GSE1: variants seen among roughly 807,000 people sequenced by gnomAD.
The protein encoded by GSE1 is genetic suppressor element 1.
A neutral mutation model predicts 112.6 loss-of-function variants in GSE1; 32 were observed. The observed-to-expected ratio is 0.28, with a 90% CI of 0.21 to 0.38. GSE1 has a LOEUF of 0.38. GSE1 is among the 10% of genes least tolerant of loss of function. GSE1 has a pLI of 1.00. For missense variants in GSE1, 2,348 were observed against 1,699.2 expected (o/e 1.38, Z -6.71); for synonymous variants, 1,115 against 735.6 (o/e 1.52, Z -8.35).
At chr16:85,564,880 C>T (rs1180438446) in intron 1 of GSE1, among the ~76,000 whole-genome samples, 4 of 152,122 alleles carry the variant, frequency 2.6e-5, no homozygotes, top group East Asian at 1.9e-4. Context: ...GACAGCCAGG[C>T]GTGCGGGAGT....
chr16:85,361,745 G>T (rs563477105), intron 2 of GSE1, among the ~76,000 whole-genome samples: 3 of 152,234 alleles, frequency 2.0e-5, no homozygotes, highest in Non-Finnish European at 4.4e-5. Context: ...CCTGGGCAGA[G>T]TCCCCCAGGG....
intron 3 of GSE1, among the ~76,000 whole-genome samples, chr16:85,651,956 G>C (rs918938691): frequency 6.6e-6 from 1 of 152,338 alleles, no homozygotes; most frequent in African/African-American, 2.4e-5. Flanking sequence ...GTCCTTCCTC[G>C]TGCTCCGTTC....
intron 2 of GSE1, among the ~76,000 whole-genome samples, chr16:85,489,541 A>ACC (rs2050944859): frequency 6.7e-6 from 1 of 148,964 alleles, no homozygotes; most frequent in Non-Finnish European, 1.5e-5. Context: ...GCCAGTGCCC[A>ACC]CCCCGCAGCG....
intron 1 of GSE1, among the ~76,000 whole-genome samples, chr16:85,212,307 G>A (rs766588163): frequency 4.6e-5 from 7 of 152,188 alleles, no homozygotes; most frequent in Non-Finnish European, 1.0e-4. Flanking sequence ...TTGGGAAGCT[G>A]AGGCAGGAGA....
intron 1 of GSE1, among the ~76,000 whole-genome samples, chr16:85,261,591 C>T (rs4496128): frequency 3.3e-5 from 5 of 152,188 alleles, no homozygotes; most frequent in Non-Finnish European, 4.4e-5. Context: ...AGGGCTGCCC[C>T]GTGTGGTAGA....
intron 1 of GSE1, among the ~76,000 whole-genome samples, chr16:85,272,895 G>A (rs1217505544): frequency 1.3e-5 from 2 of 151,454 alleles, no homozygotes; most frequent in Non-Finnish European, 2.9e-5. Flanking sequence ...TCCTGCCACA[G>A]CCTCCCGAGT....
intron 1 of GSE1, among the ~76,000 whole-genome samples, chr16:85,587,771 C>T (rs991385734): frequency 6.6e-6 from 1 of 152,130 alleles, no homozygotes; most frequent in Non-Finnish European, 1.5e-5. Context: ...TAAAATGTTA[C>T]AGGACTTTCC....
Position 85,474,436 on chromosome 16 carries a change from C to T in GSE1, c.2464+116793C>T, listed in dbSNP as rs114544231. Among the ~76,000 whole-genome samples, 1,444 of 152,172 alleles carry T rather than the reference C, an allele frequency of 9.5e-3. 17 individuals are homozygous for T. The highest frequency in any genetic ancestry group is 0.033 in the African/African-American group (1,373 of 41,528). On this transcript the variant is annotated intron_variant, in intron 2 of 2. Coordinates refer to the GSE1 transcript ENST00000637419. ...ACGGAGGGAGGCGGGTGGGGGACCT[C>T]GGGCAGTGGGGATGCCAGAGGGGCC... is the stretch of plus-strand genomic sequence containing the variant.
chr16:85,449,597 CG>C (rs1413129450), intron 2 of GSE1, among the ~76,000 whole-genome samples: 4 of 152,246 alleles, frequency 2.6e-5, no homozygotes, highest in African/African-American at 7.2e-5. Context: ...CCCTCTCTTC[CG>C]GAATGGACGC....
At position 85,481,513 on chromosome 16, in the gene GSE1, G is replaced by A. The variant is rs532597697; in HGVS notation, c.2464+123870G>A. ...GAATTGAAGTTAGTTCTTTGTGGATGGCTCCTCTTCCTTCCAGGTGGGGAG... is the reference window on the plus strand; with the variant it reads ...GAATTGAAGTTAGTTCTTTGTGGATAGCTCCTCTTCCTTCCAGGTGGGGAG... On this transcript the variant is annotated intron_variant, in intron 2 of 2. Transcript: ENST00000637419. 6.6e-5 allele frequency among the ~76,000 whole-genome samples: 10 copies of A among 152,318 alleles called. No homozygotes were observed. The East Asian group carries it at 1.9e-3, about 29-fold the overall frequency.
At chr16:85,355,464 C>G (rs1319011124) in intron 1 of GSE1, among the ~76,000 whole-genome samples, 1 of 152,188 alleles carries the variant, frequency 6.6e-6, no homozygotes, top group Non-Finnish European at 1.5e-5. Context: ...ACCCTGGGCT[C>G]CTACCAACTC....
At chr16:85,427,984 G>T (rs566957308) in intron 2 of GSE1, among the ~76,000 whole-genome samples, 1 of 152,330 alleles carries the variant, frequency 6.6e-6, no homozygotes, top group South Asian at 2.1e-4. Flanking sequence ...TGAACCTAGA[G>T]CACATTACAG....
chr16:85,290,269 C>T (rs1340245326), intron 1 of GSE1, among the ~76,000 whole-genome samples: 1 of 152,214 alleles, frequency 6.6e-6, no homozygotes, highest in Non-Finnish European at 1.5e-5. Flanking sequence ...CCTCAGCAGA[C>T]CCGGGCCCCT....
intron 2 of GSE1, among the ~76,000 whole-genome samples, chr16:85,495,441 ATTTATTTATT>A (rs2051141862): frequency 2.1e-5 from 3 of 143,050 alleles, no homozygotes; most frequent in African/African-American, 8.6e-5. Flanking sequence ...TTATTTATTT[ATTTATTTATT>A]TATTTATTTA....
At chr16:85,613,141 CCT>C (rs1245098001), upstream of GSE1, 7 of 1,274,834 alleles carry the variant, frequency 5.5e-6, no homozygotes, top group East Asian at 2.2e-4. Context: ...AAACCCGACA[CCT>C]CCCGCTGGCT....
intron 1 of GSE1, among the ~76,000 whole-genome samples, chr16:85,243,484 G>T (rs1419747923): frequency 6.6e-6 from 1 of 152,220 alleles, no homozygotes; most frequent in East Asian, 1.9e-4. Context: ...GTGGCGTGTG[G>T]CTGCTTGCTG....
intron 2 of GSE1, among the ~76,000 whole-genome samples, chr16:85,645,097 A>G (rs1047396384): frequency 2.0e-5 from 3 of 150,970 alleles, no homozygotes; most frequent in African/African-American, 7.3e-5. Flanking sequence ...AGGTGGATCT[A>G]GTAGCCCGCC....
chr16:85,559,371 G>A (rs921553479), intron 1 of GSE1, among the ~76,000 whole-genome samples: 4 of 152,240 alleles, frequency 2.6e-5, no homozygotes, highest in African/African-American at 7.2e-5. Flanking sequence ...GGGAATAAGG[G>A]GGTCCAGGTG....
intron 3 of GSE1, among the ~76,000 whole-genome samples, chr16:85,651,616 C>T (rs532271645): frequency 3.0e-4 from 46 of 152,274 alleles, no homozygotes; most frequent in Non-Finnish European, 5.3e-4. Context: ...CGGAGGAGGG[C>T]GGCAGGCCTG....
Sources: gnomAD v4.1 joint callset for allele counts (sites outside exome capture counted in the v4.1 genomes callset) on GRCh38, gnomAD v4.1.1 for gene constraint, MANE v1.5 for transcripts, NCBI Gene and HGNC (gene_info 2026-07-23, HGNC 2026-07-21) for gene names.